ANO2: variants seen among roughly 807,000 people sequenced by gnomAD.
ANO2 encodes the protein anoctamin 2.
Under a neutral mutation model 124.2 loss-of-function variants are expected in ANO2, and 101 were observed. The observed-to-expected ratio is 0.81, with a 90% confidence interval of 0.69 to 0.96. ANO2 has a LOEUF of 0.96. ANO2 is among the 40% of genes least tolerant of loss of function. The probability of loss-of-function intolerance (pLI) is 0.00; values close to 1 mark genes in which losing one functional copy is unlikely to be tolerated. For missense variants in ANO2, 1,293 were observed against 1,274.5 expected, an observed-to-expected ratio of 1.01 and a Z score of -0.22; for synonymous variants, 486 against 482.5, an observed-to-expected ratio of 1.01 and a Z score of -0.09.
At chr12:5,899,662 C>T (rs1940046088) in intron 3 of ANO2, among the ~76,000 whole-genome samples, 1 of 152,190 alleles carries the variant, frequency 6.6e-6, no homozygotes. Context: ...GAAACAGCTC[C>T]ATTTTGCAAA....
chr12:5,623,854 TG>T (rs1177824744), intron 16 of ANO2, among the ~76,000 whole-genome samples: 4 of 151,912 alleles, frequency 2.6e-5, no homozygotes, highest in Non-Finnish European at 1.5e-5. Context: ...CACAACCAAC[TG>T]GGCTGCCCTT....
intron 10 of ANO2, among the ~76,000 whole-genome samples, chr12:5,770,770 T>C (rs569250981): frequency 6.6e-5 from 10 of 152,304 alleles, no homozygotes; most frequent in Admixed American, 2.6e-4. Flanking sequence ...CAAAATACTT[T>C]TCAGGATCTA....
intron 16 of ANO2, among the ~76,000 whole-genome samples, chr12:5,622,460 C>T (rs79429529): frequency 6.6e-6 from 1 of 152,176 alleles, no homozygotes; most frequent in Non-Finnish European, 1.5e-5. Context: ...AAAATCAGCT[C>T]GGTGCCCCAG....
At chr12:5,676,458 G>A (rs570306530) in intron 14 of ANO2, among the ~76,000 whole-genome samples, 41 of 152,242 alleles carry the variant, frequency 2.7e-4, no homozygotes, top group Middle Eastern at 6.8e-3. Flanking sequence ...GTCACAAAAT[G>A]TACAGTACAT....
At chr12:5,924,400 G>C (rs1038935476) in intron 1 of ANO2, among the ~76,000 whole-genome samples, 2 of 152,238 alleles carry the variant, frequency 1.3e-5, no homozygotes, top group African/African-American at 4.8e-5. Context: ...AGACCAGAAA[G>C]ACTAAGTCAA....
At chr12:5,666,904 G>A (rs1202955328) in intron 14 of ANO2, among the ~76,000 whole-genome samples, 4 of 152,154 alleles carry the variant, frequency 2.6e-5, no homozygotes, top group Non-Finnish European at 5.9e-5. Flanking sequence ...GAGCCACATT[G>A]TATCAGGTCT....
chr12:5,865,216 T>C (rs1955383475), intron 3 of ANO2, among the ~76,000 whole-genome samples: 1 of 152,222 alleles, frequency 6.6e-6, no homozygotes, highest in Admixed American at 6.5e-5. Flanking sequence ...CAAGTATTTA[T>C]TGGGCAACGA....
In ANO2 at chr12:5,796,811, G is replaced by A. The variant is rs569995237; in HGVS notation, c.1055+2696C>T. ...CCAAGACTCAAAATGAGGCCTGAAGGCCTGCGGAAGGGGAAGGAGAGCTAG... is the reference window on the plus strand; with the variant it reads ...CCAAGACTCAAAATGAGGCCTGAAGACCTGCGGAAGGGGAAGGAGAGCTAG... On this transcript the variant is annotated intron_variant, in intron 10 of 24. Transcript: ENST00000682330. Among the ~76,000 whole-genome samples, 10 of 152,336 alleles carry A rather than the reference G, an allele frequency of 6.6e-5. No homozygotes were observed. The South Asian group carries it at 1.2e-3, about 19-fold the overall frequency.
chr12:5,930,198 A>G (rs1942295392), intron 1 of ANO2, among the ~76,000 whole-genome samples: 1 of 152,044 alleles, frequency 6.6e-6, no homozygotes, highest in Non-Finnish European at 1.5e-5. Flanking sequence ...CCTTGTGATT[A>G]CCCAGGGTTT....
At chr12:5,624,262 AACAG>A (rs372900392) in intron 16 of ANO2, among the ~76,000 whole-genome samples, 18 of 149,744 alleles carry the variant, frequency 1.2e-4, no homozygotes, top group Admixed American at 6.6e-4. Context: ...GAGAGAGAGA[AACAG>A]ACAGACAGAC....
At chr12:5,583,104 T>C (rs942807852) in intron 20 of ANO2, among the ~76,000 whole-genome samples, 5 of 152,206 alleles carry the variant, frequency 3.3e-5, no homozygotes, top group South Asian at 2.1e-4. Flanking sequence ...TGCTCAAAGA[T>C]TATCTGTTTC....
At chr12:5,889,954 T>A (rs1240185440) in intron 3 of ANO2, among the ~76,000 whole-genome samples, 1 of 152,082 alleles carries the variant, frequency 6.6e-6, no homozygotes, top group Non-Finnish European at 1.5e-5. Context: ...TCAGAGGCAA[T>A]GTGTCTGTAG....
chr12:5,717,758 T>C (rs1158967499), intron 14 of ANO2, among the ~76,000 whole-genome samples: 2 of 152,138 alleles, frequency 1.3e-5, no homozygotes, highest in African/African-American at 4.8e-5. Flanking sequence ...ATCTTGGATG[T>C]TCAAAAAAAC....
upstream of ANO2, chr12:5,946,191 G>A: frequency 6.2e-7 from 1 of 1,613,610 alleles, no homozygotes; most frequent in South Asian, 1.1e-5. The surrounding 1 kb of genome is among the most constrained non-coding windows in gnomAD (Gnocchi z 4.1). Context: ...TGATAAGGTA[G>A]GCTGGTCATG....
At chr12:5,685,127 A>T (rs1948652165) in intron 14 of ANO2, among the ~76,000 whole-genome samples, 1 of 152,200 alleles carries the variant, frequency 6.6e-6, no homozygotes, top group Admixed American at 6.5e-5. Flanking sequence ...GGTATGAGGC[A>T]CGAGTCCTGT....
chr12:5,823,268 C>G (rs1209074948), intron 7 of ANO2, among the ~76,000 whole-genome samples: 1 of 152,134 alleles, frequency 6.6e-6, no homozygotes, highest in Non-Finnish European at 1.5e-5. Flanking sequence ...CAGAATTAAC[C>G]CAAAAGTCCA....
chr12:5,786,203 C>A (rs1952535320), intron 10 of ANO2, among the ~76,000 whole-genome samples: 1 of 152,088 alleles, frequency 6.6e-6, no homozygotes, highest in African/African-American at 2.4e-5. Flanking sequence ...CCCAGACCAG[C>A]TTTAGGATTG....
chr12:5,758,161 C>A (rs1046754414), intron 10 of ANO2, among the ~76,000 whole-genome samples: 21 of 152,162 alleles, frequency 1.4e-4, no homozygotes, highest in African/African-American at 5.1e-4. Flanking sequence ...ATGGGTTGCA[C>A]ATACAGCCGA....
intron 14 of ANO2, among the ~76,000 whole-genome samples, chr12:5,648,763 G>A (rs1017155182): frequency 6.6e-6 from 1 of 152,202 alleles, no homozygotes; most frequent in Non-Finnish European, 1.5e-5. Context: ...GGAAGGTGCC[G>A]AGAATATGGC....
Sources: gnomAD v4.1 joint callset for allele counts (sites outside exome capture counted in the v4.1 genomes callset) on GRCh38, gnomAD v4.1.1 for gene constraint, Gnocchi (gnomAD v3.1) non-coding constraint, MANE v1.5 for transcripts, NCBI Gene and HGNC (gene_info 2026-07-23, HGNC 2026-07-21) for gene names.